The following DNAJC1 variants were observed in gnomAD, a reference collection of about 807,000 sequenced individuals.
The protein encoded by DNAJC1 is DnaJ heat shock protein family (Hsp40) member C1, also known as dnaJ homolog subfamily C member 1.
Under a neutral mutation model 76.6 loss-of-function variants are expected in DNAJC1, and 58 were observed. The ratio of observed to expected loss-of-function variants is 0.76; its 90% CI spans 0.61 to 0.94. The LOEUF is 0.94. Ranked by LOEUF, DNAJC1 falls within the 40% of genes least tolerant of loss-of-function variation. The probability of loss-of-function intolerance (pLI) is 0.00; values close to 1 mark genes in which losing one functional copy is unlikely to be tolerated. For synonymous variants in DNAJC1, 258 were observed against 267.9 expected, an observed-to-expected ratio of 0.96 and a Z score of 0.36; for missense variants, 689 against 677.3, an observed-to-expected ratio of 1.02 and a Z score of -0.19.
chr10:21,932,523 C>T (rs1389034462), intron 1 of DNAJC1, among the ~76,000 whole-genome samples: 5 of 152,152 alleles, frequency 3.3e-5, no homozygotes, highest in Non-Finnish European at 7.4e-5. Context: ...AAAAACCTGT[C>T]AAAATTTACA....
intron 8 of DNAJC1, among the ~76,000 whole-genome samples, chr10:21,837,769 A>T (rs1328825807): frequency 5.2e-5 from 7 of 134,252 alleles, no homozygotes; most frequent in African/African-American, 1.7e-4. Flanking sequence ...CGCCTGGTCC[A>T]GGAGGGAGGT....
At chr10:21,985,107 A>T (rs776751074) in intron 1 of DNAJC1, among the ~76,000 whole-genome samples, 3 of 152,172 alleles carry the variant, frequency 2.0e-5, no homozygotes, top group Non-Finnish European at 4.4e-5. Context: ...CACCCATTAT[A>T]AGAGTATAAT....
In DNAJC1 at chr10:21,863,497, TA is replaced by T; in HGVS notation, c.978+18784del. Among the ~76,000 whole-genome samples, 3 of 152,216 alleles carry T rather than the reference TA, an allele frequency of 2.0e-5. No homozygotes were observed. The South Asian group carries it at 6.2e-4, about 32-fold the overall frequency. On this transcript the variant is annotated intron_variant, in intron 8 of 11. Coordinates refer to ENST00000376980, the MANE Select transcript of DNAJC1 (RefSeq NM_022365.4). Reference sequence around the variant, plus strand: ...GGAGGGAACATTTCCCAATGTGTTCTATAAGGTCAATATCACTGTCACTGGA... The same window carrying T: ...GGAGGGAACATTTCCCAATGTGTTCTTAAGGTCAATATCACTGTCACTGGA...
chr10:21,833,060 T>G (rs1413377304), intron 8 of DNAJC1, among the ~76,000 whole-genome samples: 3 of 152,238 alleles, frequency 2.0e-5, no homozygotes, highest in Non-Finnish European at 4.4e-5. Context: ...GGAAGTAATC[T>G]TGCCATCTGC....
chr10:21,840,310 T>A (rs1208734358), intron 8 of DNAJC1, among the ~76,000 whole-genome samples: 2 of 152,180 alleles, frequency 1.3e-5, no homozygotes, highest in African/African-American at 4.8e-5. Flanking sequence ...GGAAGTCAAA[T>A]TGTCCCTGTT....
chr10:22,003,471 C>T lies in DNAJC1; in HGVS notation c.-37G>A. The T allele has an allele frequency of 7.5e-7, 1 of 1,330,514 alleles. No individual in the cohort carries two copies. The highest frequency in any genetic ancestry group is 9.5e-7 in the Non-Finnish European group (1 of 1,047,244). The allele number at this position is 1,330,514 out of a possible 1,614,324, so 82.4% of individuals were successfully genotyped here. A position where few individuals can be genotyped will look rare whatever the true frequency, so the allele number is the denominator to read the frequency against. On this transcript the variant is annotated 5_prime_UTR_variant, in exon 1 of 12. Coordinates refer to ENST00000376980, the MANE Select transcript of DNAJC1 (RefSeq NM_022365.4). Reference sequence around the variant, plus strand: ...CGGAAAGGTCACCCGCCGCGCAGCTCCGTTGGCCGAGAGCTGGGACGTGGC... The same window carrying T: ...CGGAAAGGTCACCCGCCGCGCAGCTTCGTTGGCCGAGAGCTGGGACGTGGC...
At chr10:21,887,725 C>CA (rs1382273283) in intron 7 of DNAJC1, among the ~76,000 whole-genome samples, 1 of 152,072 alleles carries the variant, frequency 6.6e-6, no homozygotes, top group East Asian at 1.9e-4. Flanking sequence ...ACACCATACA[C>CA]AAAAATCAAC....
chr10:21,777,676 T>C (rs1230243527), intron 9 of DNAJC1, among the ~76,000 whole-genome samples: 1 of 152,228 alleles, frequency 6.6e-6, no homozygotes, highest in Non-Finnish European at 1.5e-5. Context: ...ATGTTTTTGC[T>C]AAACCAAAAG....
intron 8 of DNAJC1, among the ~76,000 whole-genome samples, chr10:21,864,472 A>G (rs1364591750): frequency 6.6e-6 from 1 of 151,694 alleles, no homozygotes; most frequent in Non-Finnish European, 1.5e-5. Flanking sequence ...AATACAAAAA[A>G]CTAGCCGAGC....
chr10:21,842,766 T>C (rs1835594246), intron 8 of DNAJC1, among the ~76,000 whole-genome samples: 1 of 152,192 alleles, frequency 6.6e-6, no homozygotes, highest in South Asian at 2.1e-4. Flanking sequence ...TAATTAAGGA[T>C]GGTCTCTAAT....
chr10:21,892,029 A>C lies in DNAJC1; in HGVS notation c.821-9590T>G, dbSNP rs187952264. ...AATGATACTATAAATAAAGAAGGTAAAGGGATTTAAGGGGAGGTAAGGTTT... is the reference window on the plus strand; with the variant it reads ...AATGATACTATAAATAAAGAAGGTACAGGGATTTAAGGGGAGGTAAGGTTT... On this transcript the variant is annotated intron_variant, in intron 7 of 11. Coordinates refer to ENST00000376980, the MANE Select transcript of DNAJC1 (RefSeq NM_022365.4). Among the ~76,000 whole-genome samples the C allele has an allele frequency of 4.9e-3, 748 of 152,220 alleles. 9 individuals carry two copies. Among genetic ancestry groups the C allele is most frequent in the African/African-American group, 0.017 (719 of 41,548 alleles).
At chr10:21,783,274 C>T (rs1036019365) in intron 9 of DNAJC1, among the ~76,000 whole-genome samples, 1 of 152,120 alleles carries the variant, frequency 6.6e-6, no homozygotes, top group African/African-American at 2.4e-5. Flanking sequence ...AACACAGAGC[C>T]AAATCATGAG....
At chr10:21,868,407 G>T (rs902133568) in intron 8 of DNAJC1, among the ~76,000 whole-genome samples, 2 of 151,890 alleles carry the variant, frequency 1.3e-5, no homozygotes, top group African/African-American at 4.8e-5. Flanking sequence ...ACAGGCGTGA[G>T]CCACCATGCC....
At chr10:21,838,976 T>C (rs967242252) in intron 8 of DNAJC1, among the ~76,000 whole-genome samples, 2 of 152,204 alleles carry the variant, frequency 1.3e-5, no homozygotes, top group African/African-American at 4.8e-5. Context: ...ACATGGAAAC[T>C]GAACAACCTG....
intron 1 of DNAJC1, among the ~76,000 whole-genome samples, chr10:21,955,862 T>C (rs1837670595): frequency 6.6e-6 from 1 of 152,224 alleles, no homozygotes; most frequent in Non-Finnish European, 1.5e-5. Context: ...AACAAATTCA[T>C]GTGTCTTTGT....
At chr10:21,930,487 T>C (rs1202609890) in intron 1 of DNAJC1, among the ~76,000 whole-genome samples, 1 of 152,238 alleles carries the variant, frequency 6.6e-6, no homozygotes, top group South Asian at 2.1e-4. Flanking sequence ...ATATTATCAA[T>C]AGTTTTTAAA....
chr10:21,967,016 T>TC (rs1363231412), intron 1 of DNAJC1, among the ~76,000 whole-genome samples: 84 of 133,880 alleles, frequency 6.3e-4, no homozygotes, highest in African/African-American at 1.9e-3. Flanking sequence ...TTCTTCTTCT[T>TC]TTTTTTTTTT....
intron 1 of DNAJC1, among the ~76,000 whole-genome samples, chr10:21,976,076 G>C (rs1838056992): frequency 6.6e-6 from 1 of 152,114 alleles, no homozygotes; most frequent in South Asian, 2.1e-4. Flanking sequence ...CTATATTACA[G>C]TTTATTACTT....
intron 8 of DNAJC1, among the ~76,000 whole-genome samples, chr10:21,822,206 AGGCAGGT>A (rs1835171432): frequency 6.6e-6 from 1 of 152,138 alleles, no homozygotes; most frequent in African/African-American, 2.4e-5. Flanking sequence ...CAGGAGGCTT[AGGCAGGT>A]GGATCACTTG....
Sources: gnomAD v4.1 joint callset for allele counts (sites outside exome capture counted in the v4.1 genomes callset) on GRCh38, gnomAD v4.1.1 for gene constraint, MANE v1.5 for transcripts, NCBI Gene and HGNC (gene_info 2026-07-23, HGNC 2026-07-21) for gene names.